Variants in ODAD4 observed in about 807,000 individuals in gnomAD.
The protein encoded by ODAD4 is outer dynein arm-docking complex subunit 4.
In ODAD4, 49 loss-of-function variants were observed where a neutral mutation model predicts 51.8. The ratio of observed to expected loss-of-function variants is 0.95; its 90% CI spans 0.75 to 1.20. The LOEUF is 1.20. Among genes scored for constraint, ODAD4 ranks in the 50% most tolerant of loss-of-function variants. The probability of loss-of-function intolerance (pLI) is 0.00; values close to 1 mark genes in which losing one functional copy is unlikely to be tolerated. For synonymous variants in ODAD4, 235 were observed against 221.3 expected (o/e 1.06, Z -0.55); for missense variants, 590 against 586.5 (o/e 1.01, Z -0.06).
chr17:41,935,905 C>T (rs778990597), intron 3 of ODAD4, among the ~76,000 whole-genome samples, 156 bp downstream of exon 3: 13 of 152,202 alleles, frequency 8.5e-5, no homozygotes, highest in Non-Finnish European at 1.6e-4. Context: ...GAGGATTAGC[C>T]GGGCATGGTG....
At position 41,935,641 on chromosome 17, in the gene ODAD4, T is replaced by C. The variant is rs1262015669; in HGVS notation, c.289T>C (p.Phe97Leu). Residue 97 changes from phenylalanine (F) to leucine (L), a missense_variant, in exon 3 of 12, where the codon TTT becomes CTT. This residue lies in a region of ODAD4 where 360 missense variants were observed against 407.5 expected (regional missense o/e 0.88). Transcript: ENST00000377540. Reference sequence around the variant, plus strand: ...TGAGACACTGTACACCATGGGAGACTTTGAGTTTGCCTTGGTATTCTATCA... The same window carrying C: ...TGAGACACTGTACACCATGGGAGACCTTGAGTTTGCCTTGGTATTCTATCA... ...KAETLYTMGD[F>L]EFALVFYHRG... is the part of the protein sequence containing the mutation. The C allele has an allele frequency of 7.4e-6, 12 of 1,613,336 alleles. No individual in the cohort carries two copies. The highest frequency in any genetic ancestry group is 1.3e-5 in the African/African-American group (1 of 74,940).
intron 2 of ODAD4, 121 bp from the exon 3 acceptor site, chr17:41,935,478 C>A: frequency 6.6e-7 from 1 of 1,504,366 alleles, no homozygotes; most frequent in Non-Finnish European, 8.9e-7. Flanking sequence ...TAGGTCATTG[C>A]CTAAGTCCCT....
chr17:41,935,320 C>T lies in ODAD4; in HGVS notation c.218C>T (p.Ser73Leu), dbSNP rs782333806. 2.6e-5 allele frequency: 42 copies of T among 1,613,818 alleles called. No homozygotes were observed. In the Admixed American group the frequency reaches 4.3e-4, roughly 17 times the overall value. ...LERSLKDAEASLQSDPAFCKG... is the reference protein window; with the variant it reads ...LERSLKDAEALLQSDPAFCKG... ...AGATCCCTGAAGGATGCTGAGGCTT[C>T]GCTCCAGAGTGACCCAGCTTTCTGT... The change falls in exon 2 of 12, where the codon TCG becomes TTG. Residue 73 changes from serine (S) to leucine (L), a missense_variant. Physicochemically the swap from Ser to Leu is moderately radical, Grantham distance 145. Around this residue, in one of 3 missense-constraint regions of ODAD4, gnomAD observed 360 missense variants for 407.5 expected, o/e 0.88. Transcript: ENST00000377540.
intron 2 of ODAD4, 64 bp downstream of exon 2, chr17:41,935,412 G>A: frequency 1.3e-6 from 2 of 1,584,878 alleles, no homozygotes; most frequent in Non-Finnish European, 1.7e-6. Context: ...GTTACAAGTA[G>A]TTGTTACAAG....
chr17:41,956,593 TA>T (rs1555641068), intron 10 of ODAD4, among the ~76,000 whole-genome samples: 1 of 150,044 alleles, frequency 6.7e-6, no homozygotes, highest in Non-Finnish European at 1.5e-5. Context: ...ACCCTATCTC[TA>T]AAAAATAAAA....
chr17:41,944,451 C>T (rs1555639217), intron 7 of ODAD4, among the ~76,000 whole-genome samples: 5 of 142,586 alleles, frequency 3.5e-5, no homozygotes, highest in South Asian at 4.5e-4. Flanking sequence ...CACACCCCCC[C>T]GCATACACAG....
At chr17:41,963,958 G>A (rs1373417235) in intron 11 of ODAD4, among the ~76,000 whole-genome samples, 2 of 151,228 alleles carry the variant, frequency 1.3e-5, no homozygotes, top group Non-Finnish European at 2.9e-5. Flanking sequence ...GTGCAGTGGC[G>A]CGATCTCGGC....
At chr17:41,945,826 G>A (rs1290527376) in intron 8 of ODAD4, among the ~76,000 whole-genome samples, 1 of 152,118 alleles carries the variant, frequency 6.6e-6, no homozygotes, top group East Asian at 1.9e-4. Flanking sequence ...GCTTGAACCC[G>A]GAAGGCGGAG....
At chr17:41,936,297 C>G (rs947397977) in intron 3 of ODAD4, among the ~76,000 whole-genome samples, 176 bp from the exon 4 acceptor site, 1 of 152,192 alleles carries the variant, frequency 6.6e-6, no homozygotes, top group South Asian at 2.1e-4. Context: ...GGGCTGTTAG[C>G]TCCTAGGAGT....
At chr17:41,938,354 C>A (rs1443272954) in intron 5 of ODAD4, among the ~76,000 whole-genome samples, 1 of 152,212 alleles carries the variant, frequency 6.6e-6, no homozygotes, top group Non-Finnish European at 1.5e-5. Flanking sequence ...TAGCATGGAA[C>A]TCCCTGATAG....
chr17:41,935,581 G>A lies in ODAD4; in HGVS notation c.247-18G>A. 6.2e-7 allele frequency: 1 copy of A among 1,605,670 alleles called. No individual in the cohort carries two copies. The stretch of plus-strand genomic sequence containing the variant: ...AGGCCTTATCTGTTCACATTGATTT[G>A]ATTTCCTCCCATTCCAGGGGATTTT... On this transcript the variant is annotated intron_variant, in intron 2 of 11. Coordinates refer to ENST00000377540, the MANE Select transcript of ODAD4 (RefSeq NM_031421.5).
At chr17:41,947,065 G>C (rs1644162863) in intron 8 of ODAD4, among the ~76,000 whole-genome samples, 1 of 151,112 alleles carries the variant, frequency 6.6e-6, no homozygotes, top group Non-Finnish European at 1.5e-5. Flanking sequence ...GGTCAGGCTG[G>C]TCTCCAACTC....
At chr17:41,954,284 G>A (rs563944177) in intron 9 of ODAD4, among the ~76,000 whole-genome samples, 28 of 152,116 alleles carry the variant, frequency 1.8e-4, no homozygotes, top group African/African-American at 6.7e-4. Flanking sequence ...ACCACGCCCG[G>A]CCTGACATAT....
intron 11 of ODAD4, among the ~76,000 whole-genome samples, chr17:41,964,787 C>T (rs1452452753): frequency 1.3e-5 from 2 of 151,958 alleles, no homozygotes; most frequent in African/African-American, 4.8e-5. Context: ...GGACTACAGG[C>T]GCCAACCACC....
chr17:41,930,665 A>G lies in ODAD4; in HGVS notation c.-59A>G. On this transcript the variant is annotated 5_prime_UTR_variant, in exon 1 of 12. It adds an upstream start codon to the 5' untranslated region. Coordinates refer to ENST00000377540, the MANE Select transcript of ODAD4 (RefSeq NM_031421.5). ...GAAACGGAGCTTCCACAAACCAGAT[A>G]GAGGTTCTCCAGCTTTTCTTTGATT... The G allele has an allele frequency of 1.8e-6, 2 of 1,124,426 alleles. No individual in the cohort carries two copies. Among genetic ancestry groups the G allele is most frequent in the South Asian group, 1.3e-5 (1 of 75,548 alleles). The allele number at this position is 1,124,426 out of a possible 1,614,324, so 69.7% of individuals were successfully genotyped here.
chr17:41,943,437 AAG>A (rs1278176158), intron 7 of ODAD4, among the ~76,000 whole-genome samples: 4 of 152,190 alleles, frequency 2.6e-5, no homozygotes, highest in Non-Finnish European at 5.9e-5. Context: ...TGAGTCCGAA[AAG>A]AGAGTCAGCA....
intron 9 of ODAD4, among the ~76,000 whole-genome samples, chr17:41,950,644 G>A (rs2050640148): frequency 6.6e-6 from 1 of 152,064 alleles, no homozygotes; most frequent in Non-Finnish European, 1.5e-5. Context: ...CCAAAGTGCT[G>A]GGATTACAGG....
At position 41,938,995 on chromosome 17, in the gene ODAD4, T is replaced by C. The variant is rs782631433; in HGVS notation, c.881T>C (p.Leu294Pro). The stretch of plus-strand genomic sequence containing the variant: ...ACAAGTGGCAGTGCTGAAGGGAGTC[T>C]TCAGAAAGCTGAGAAAGTGCTGAAG... ...LLTSGSAEGS[L>P]QKAEKVLKKV... Residue 294 changes from leucine to proline, a missense_variant, in exon 7 of 12, where the codon CTT (leucine) becomes CCT (proline). Physicochemically the swap from Leu to Pro is moderately conservative, Grantham distance 98. Transcript: ENST00000377540. 1.2e-5 allele frequency: 19 copies of C among 1,611,960 alleles called. No individual in the cohort carries two copies. Among genetic ancestry groups the C allele is most frequent in the Non-Finnish European group, 1.5e-5 (18 of 1,178,968 alleles).
rs1555638178 is a variant in ODAD4 at position 41,938,579 on chromosome 17, G to A, written c.648G>A (p.Lys216=). The A allele has an allele frequency of 1.2e-6, 2 of 1,613,788 alleles. No homozygotes were observed. The highest frequency in any genetic ancestry group is 2.2e-5 in the East Asian group (1 of 44,886). Residue 216 remains lysine (K), a synonymous_variant, in exon 6 of 12, where the codon AAG becomes AAA. Transcript: ENST00000377540. ...CAGACCTGATCAAAGGCACCATGAA[G>A]GGCGGCCTGACTGTGGAGGACCTCA... ...LDEDLIKGTM[K]GGLTVEDLIM...
Sources: allele counts gnomAD v4.1 joint callset (sites outside exome capture counted in the v4.1 genomes callset), GRCh38; gene constraint gnomAD v4.1.1; regional missense constraint gnomAD v4.1.1; transcripts MANE v1.5; gene names NCBI Gene and HGNC (gene_info 2026-07-23, HGNC 2026-07-21).